PAX7: variants seen among roughly 807,000 people sequenced by gnomAD.
The protein encoded by PAX7 is paired box protein Pax-7.
Under a neutral mutation model 50.7 loss-of-function variants are expected in PAX7, and 18 were observed. The ratio of observed to expected loss-of-function variants is 0.36; its 90% CI spans 0.25 to 0.53. The LOEUF (loss-of-function observed/expected upper bound fraction) is 0.53. PAX7 is among the 20% of genes least tolerant of loss of function. PAX7 has a pLI of 0.93. For synonymous variants in PAX7, 310 were observed against 290.4 expected (o/e 1.07, Z -0.69); for missense variants, 644 against 702.9 (o/e 0.92, Z 0.95).
At chr1:18,716,434 C>A (rs1350105533) in intron 7 of PAX7, among the ~76,000 whole-genome samples, 1 of 152,138 alleles carries the variant, frequency 6.6e-6, no homozygotes, top group African/African-American at 2.4e-5. Flanking sequence ...GCCTCCCTGT[C>A]CCCTGCCACA....
intron 8 of PAX7, among the ~76,000 whole-genome samples, chr1:18,742,449 C>T (rs973750955): frequency 6.6e-6 from 1 of 152,240 alleles, no homozygotes; most frequent in African/African-American, 2.4e-5. Context: ...AGCCACCGTG[C>T]TCGGGCAGAA....
At chr1:18,696,785 G>T (rs1263773300) in intron 5 of PAX7, among the ~76,000 whole-genome samples, 1 of 151,972 alleles carries the variant, frequency 6.6e-6, no homozygotes, top group Non-Finnish European at 1.5e-5. Context: ...AAGTGGGGAT[G>T]GTTAACGGGT....
chr1:18,698,877 G>T (rs113450086), intron 5 of PAX7, among the ~76,000 whole-genome samples: 2,734 of 152,296 alleles, frequency 0.018, 41 homozygotes, highest in Non-Finnish European at 0.023. Flanking sequence ...TTCCCACCCG[G>T]GAAGGATGGC....
intron 4 of PAX7, among the ~76,000 whole-genome samples, chr1:18,651,510 C>T (rs1169720420): frequency 1.3e-5 from 2 of 152,198 alleles, no homozygotes. Context: ...AGATACGTCT[C>T]TCTATCTAGA....
chr1:18,674,813 C>A (rs1023760769), intron 4 of PAX7, among the ~76,000 whole-genome samples: 3 of 152,178 alleles, frequency 2.0e-5, no homozygotes, highest in African/African-American at 7.2e-5. Context: ...CTCTGCATTT[C>A]TATAGAACAG....
Position 18,700,853 on chromosome 1 carries a change from G to T in PAX7, c.952+35G>T. The T allele has an allele frequency of 7.3e-7, 1 of 1,369,336 alleles. No individual in the cohort carries two copies. Among genetic ancestry groups the T allele is most frequent in the Non-Finnish European group, 9.5e-7 (1 of 1,050,828 alleles). 84.8% of individuals were successfully genotyped at this position (1,369,336 alleles called of 1,614,324 possible). A position where few individuals can be genotyped will look rare whatever the true frequency, so the allele number is the denominator to read the frequency against. ...TTGGCCCCGTCCTGCCATCTCAGTG[G>T]TGCCCCTTCCCTTCTTTCTTTACTT... On this transcript the variant is annotated intron_variant, in intron 6 of 8. Transcript: ENST00000420770. The surrounding 1 kb of genome is among the most constrained non-coding windows in gnomAD (Gnocchi z 4.8).
chr1:18,690,745 T>C (rs2089056722), intron 4 of PAX7, among the ~76,000 whole-genome samples: 1 of 152,210 alleles, frequency 6.6e-6, no homozygotes, highest in African/African-American at 2.4e-5. Context: ...GTGGGGTCCA[T>C]GGCCTTGACC....
chr1:18,694,705 T>C (rs2089129011), intron 5 of PAX7, among the ~76,000 whole-genome samples: 1 of 152,090 alleles, frequency 6.6e-6, no homozygotes, highest in Non-Finnish European at 1.5e-5. Flanking sequence ...CTGTGTCACC[T>C]TCAACAGGTC....
chr1:18,640,434 G>A (rs1298462593), intron 4 of PAX7, among the ~76,000 whole-genome samples: 4 of 151,458 alleles, frequency 2.6e-5, no homozygotes, highest in Non-Finnish European at 4.4e-5. Context: ...CTTCACACCT[G>A]GAAGGGACAT....
intron 4 of PAX7, among the ~76,000 whole-genome samples, chr1:18,659,845 C>T (rs186515118): frequency 3.3e-5 from 5 of 152,274 alleles, no homozygotes; most frequent in Non-Finnish European, 5.9e-5. Context: ...CCCGTAGGTC[C>T]GTGGGGCTCA....
rs758225083 is a variant in PAX7, at chr1:18,631,556, G to C, written c.-48G>C. 2 of 1,505,280 alleles carry C rather than the reference G, an allele frequency of 1.3e-6. No homozygotes were observed. The highest frequency in any genetic ancestry group is 1.2e-5 in the South Asian group (1 of 85,844). The allele number at this position is 1,505,280 out of a possible 1,614,324, so 93.2% of individuals were successfully genotyped here. A position where few individuals can be genotyped will look rare whatever the true frequency, so the allele number is the denominator to read the frequency against. On this transcript the variant is annotated 5_prime_UTR_variant, in exon 1 of 9. Transcript: ENST00000420770. ...CGCAGCAGGGGTGAAGGGAGCGGAC[G>C]GGAAGCGATTTTTGCCGACTTTGGA...
At chr1:18,743,369 G>A (rs1354648889) in intron 8 of PAX7, among the ~76,000 whole-genome samples, 1 of 152,186 alleles carries the variant, frequency 6.6e-6, no homozygotes, top group African/African-American at 2.4e-5. Context: ...CTGTCCACTT[G>A]GCCTCCCTGG....
intron 7 of PAX7, among the ~76,000 whole-genome samples, chr1:18,733,967 A>T (rs2089679345): frequency 6.6e-6 from 1 of 152,004 alleles, no homozygotes; most frequent in African/African-American, 2.4e-5. Flanking sequence ...TTGGGTTGGG[A>T]GAGTCAAATG....
At chr1:18,673,146 T>C (rs1158868746) in intron 4 of PAX7, among the ~76,000 whole-genome samples, 1 of 152,180 alleles carries the variant, frequency 6.6e-6, no homozygotes, top group Non-Finnish European at 1.5e-5. Flanking sequence ...CAGCCACATA[T>C]AGCTGTGTGA....
rs575809429 is a variant in PAX7 at position 18,726,025 on chromosome 1, T to C, written c.1156-9607T>C. Among the ~76,000 whole-genome samples, 11 of 151,050 alleles carry C rather than the reference T, an allele frequency of 7.3e-5. No individual in the cohort carries two copies. Among genetic ancestry groups the C allele is most frequent in the African/African-American group, 2.2e-4 (9 of 41,324 alleles). On this transcript the variant is annotated intron_variant, in intron 7 of 8. Transcript: ENST00000420770. This position sits in a 1 kb window ranked among gnomAD's most constrained non-coding sequence, Gnocchi z 4.8. ...GCGCGCGTGCGCGCGTGTGTGTGCG[T>C]GTGTTTGTGTGTGTGTGTGTCTTTG...
chr1:18,717,517 C>T (rs534405362), intron 7 of PAX7, among the ~76,000 whole-genome samples: 1 of 152,306 alleles, frequency 6.6e-6, no homozygotes, highest in East Asian at 1.9e-4. Context: ...GGTCTCAGCT[C>T]AGAGGTTGTT....
intron 4 of PAX7, among the ~76,000 whole-genome samples, chr1:18,684,748 G>A (rs72650314): frequency 0.11 from 16,445 of 152,230 alleles, 1,049 homozygotes; most frequent in Non-Finnish European, 0.14. Flanking sequence ...TCGTTTCTCT[G>A]CCGCAGCTCA....
chr1:18,701,371 A>C (rs1267683168), intron 6 of PAX7, among the ~76,000 whole-genome samples: 1 of 151,542 alleles, frequency 6.6e-6, no homozygotes, highest in African/African-American at 2.4e-5. Flanking sequence ...CGTATGAGTG[A>C]GTGAATGAGT....
At position 18,735,157 on chromosome 1, in the gene PAX7, A is replaced by G. The variant is rs151264160; in HGVS notation, c.1156-475A>G. Among the ~76,000 whole-genome samples, 312 of 152,278 alleles carry G rather than the reference A, an allele frequency of 2.0e-3. 1 individual carries two copies. The highest frequency in any genetic ancestry group is 7.2e-3 in the African/African-American group (300 of 41,556). On this transcript the variant is annotated intron_variant, in intron 7 of 8. Transcript: ENST00000420770. This position sits in a 1 kb window ranked among gnomAD's most constrained non-coding sequence, Gnocchi z 4.0. Reference sequence around the variant, plus strand: ...AGCAAGCCACACACAGTGACAGCAGACAGATCAAGAGTCCTGCTGTAATGT... The same window carrying G: ...AGCAAGCCACACACAGTGACAGCAGGCAGATCAAGAGTCCTGCTGTAATGT...
Sources: gnomAD v4.1 joint callset for allele counts (sites outside exome capture counted in the v4.1 genomes callset) on GRCh38, gnomAD v4.1.1 for gene constraint, Gnocchi (gnomAD v3.1) non-coding constraint, MANE v1.5 for transcripts, NCBI Gene and HGNC (gene_info 2026-07-23, HGNC 2026-07-21) for gene names.